The following TNS3 variants were observed in gnomAD, a reference collection of about 807,000 sequenced individuals.
The protein encoded by TNS3 is tensin-3.
Under a neutral mutation model 140.9 loss-of-function variants are expected in TNS3, and 45 were observed. The observed-to-expected ratio is 0.32, with a 90% CI of 0.25 to 0.41. The LOEUF (loss-of-function observed/expected upper bound fraction) is 0.41, where lower values mean the gene tolerates loss of function less well. TNS3 is among the 10% of genes least tolerant of loss of function. The pLI is 1.00. For missense variants in TNS3, 1,716 were observed against 1,906.7 expected (o/e 0.90, Z 1.86); for synonymous variants, 815 against 788.4 (o/e 1.03, Z -0.56).
intron 28 of TNS3, among the ~76,000 whole-genome samples, chr7:47,280,632 A>G (rs1338253594): frequency 6.6e-6 from 1 of 152,158 alleles, no homozygotes; most frequent in Non-Finnish European, 1.5e-5. Context: ...AGCCCTAACA[A>G]GCCGGGTGCA....
At chr7:47,303,946 C>T (rs1490525289) in intron 21 of TNS3, among the ~76,000 whole-genome samples, 1 of 152,186 alleles carries the variant, frequency 6.6e-6, no homozygotes, top group African/African-American at 2.4e-5. Context: ...AGCTGTGCAC[C>T]CACTGGGAAG....
intron 16 of TNS3, among the ~76,000 whole-genome samples, chr7:47,384,403 T>C (rs1327700790): frequency 1.3e-5 from 2 of 152,230 alleles, no homozygotes; most frequent in African/African-American, 2.4e-5. Context: ...CGGGCTGCCA[T>C]TGCCCCTCAC....
In TNS3 at chr7:47,293,795, A is replaced by C. The variant is rs1158884132; in HGVS notation, c.3710T>G (p.Phe1237Cys). 6.2e-7 allele frequency: 1 copy of C among 1,614,068 alleles called. No individual in the cohort carries two copies. The highest frequency in any genetic ancestry group is 8.5e-7 in the Non-Finnish European group (1 of 1,180,046). Residue 1237 changes from phenylalanine to cysteine, a missense_variant, in exon 25 of 31, where the codon TTT becomes TGT. Coordinates refer to ENST00000311160, the MANE Select transcript of TNS3 (RefSeq NM_022748.12). Reference sequence around the variant, plus strand: ...TCCCTTCGGGGTACACTCGATCAAAAAGTGCCGGACGAGTTCATTGGCCAA... The same window carrying C: ...TCCCTTCGGGGTACACTCGATCAAACAGTGCCGGACGAGTTCATTGGCCAA... Reference protein sequence around the residue: ...GDLANELVRHFLIECTPKGVR... With the variant: ...GDLANELVRHCLIECTPKGVR...
chr7:47,304,909 G>C lies in TNS3; in HGVS notation c.2745C>G (p.Ser915=). Reference sequence around the variant, plus strand: ...AAGCCTGCTGAAAGGAGGGCGTCGAGGACGCATCAGCCCGGAGCATCGTGG... The same window carrying C: ...AAGCCTGCTGAAAGGAGGGCGTCGACGACGCATCAGCCCGGAGCATCGTGG... The part of the protein sequence containing the change: ...PKSTMLRADA[S]STPSFQQAFA... The change falls in exon 21 of 31, where the codon TCC becomes TCG. Residue 915 remains serine, a synonymous_variant. Transcript: ENST00000311160. 1 of 1,436,814 alleles carries C rather than the reference G, an allele frequency of 7.0e-7. No individual in the cohort carries two copies. Among genetic ancestry groups the C allele is most frequent in the Middle Eastern group, 1.8e-4 (1 of 5,408 alleles). The allele number at this position is 1,436,814 out of a possible 1,614,324, so 89.0% of individuals were successfully genotyped here. A position where few individuals can be genotyped will look rare whatever the true frequency, so the allele number is the denominator to read the frequency against.
intron 28 of TNS3, among the ~76,000 whole-genome samples, chr7:47,282,661 T>C (rs1388043312): frequency 1.3e-5 from 2 of 152,114 alleles, no homozygotes. Context: ...AGGATTGAAA[T>C]ACGAGAGCAT....
chr7:47,295,872 A>C (rs529920669), intron 24 of TNS3, among the ~76,000 whole-genome samples: 1 of 152,362 alleles, frequency 6.6e-6, no homozygotes, highest in South Asian at 2.1e-4. Context: ...CAGAGGTTTC[A>C]TCCAAGAATT....
At chr7:47,379,797 G>T (rs997651619) in intron 16 of TNS3, among the ~76,000 whole-genome samples, 3 of 152,186 alleles carry the variant, frequency 2.0e-5, no homozygotes, top group Non-Finnish European at 4.4e-5. Flanking sequence ...GCAGGAAAGA[G>T]GCTGCAGCGG....
At chr7:47,320,969 G>A (rs1033399600) in intron 20 of TNS3, among the ~76,000 whole-genome samples, 10 of 152,208 alleles carry the variant, frequency 6.6e-5, no homozygotes, top group Non-Finnish European at 1.0e-4. Context: ...ATCGCGACGA[G>A]GAAGAAATGA....
chr7:47,533,724 C>A (rs1039878437), intron 1 of TNS3, among the ~76,000 whole-genome samples: 29 of 152,078 alleles, frequency 1.9e-4, no homozygotes, highest in Middle Eastern at 3.2e-3. Flanking sequence ...GGCGGCAGGT[C>A]TTTCCTGTGC....
At chr7:47,570,970 A>C (rs1452081409) in intron 1 of TNS3, among the ~76,000 whole-genome samples, 1 of 152,158 alleles carries the variant, frequency 6.6e-6, no homozygotes, top group African/African-American at 2.4e-5. Context: ...CTCAGAACAG[A>C]GGGCCAGGCC....
At chr7:47,339,763 C>G (rs926290107) in intron 20 of TNS3, among the ~76,000 whole-genome samples, 1 of 151,910 alleles carries the variant, frequency 6.6e-6, no homozygotes, top group Non-Finnish European at 1.5e-5. Context: ...GTAAAACTGT[C>G]TGTCAATCTG....
chr7:47,386,155 T>A (rs1382778668), intron 16 of TNS3, among the ~76,000 whole-genome samples: 1 of 152,256 alleles, frequency 6.6e-6, no homozygotes, highest in Admixed American at 6.5e-5. Flanking sequence ...AAATCATCAC[T>A]ATGCACTTAT....
At chr7:47,468,138 C>T (rs1796799206) in intron 4 of TNS3, among the ~76,000 whole-genome samples, 1 of 152,022 alleles carries the variant, frequency 6.6e-6, no homozygotes, top group South Asian at 2.1e-4. Flanking sequence ...AGTGAAACCC[C>T]ATCTCTACTA....
At chr7:47,468,442 A>AAAAT (rs58936286) in intron 4 of TNS3, among the ~76,000 whole-genome samples, 8 of 151,124 alleles carry the variant, frequency 5.3e-5, no homozygotes, top group South Asian at 2.1e-4. Flanking sequence ...ATCTGTCTCA[A>AAAAT]AAATAAATAA....
chr7:47,340,232 C>A (rs1312244770), intron 20 of TNS3, among the ~76,000 whole-genome samples: 1 of 143,054 alleles, frequency 7.0e-6, no homozygotes, highest in Non-Finnish European at 1.5e-5. Context: ...AAGTGATTCT[C>A]CTGCCTCAGC....
Position 47,303,287 on chromosome 7 carries a change from C to T in TNS3, c.3120G>A (p.Leu1040=), listed in dbSNP as rs1198436287. 2.5e-6 allele frequency: 4 copies of T among 1,613,602 alleles called. No individual in the cohort carries two copies. The East Asian group carries it at 8.9e-5, about 36-fold the overall frequency. The part of the protein sequence containing the change: ...GLPPEEDLGA[L]LANSHGASPT... Reference sequence around the variant, plus strand: ...GTGACGCTCCATGAGAATTGGCCAGCAAGGCCCCCAGGTCCTCCTCGGGCG... The same window carrying T: ...GTGACGCTCCATGAGAATTGGCCAGTAAGGCCCCCAGGTCCTCCTCGGGCG... Residue 1040 remains leucine, a synonymous_variant, in exon 22 of 31, where the codon TTG becomes TTA. Transcript: ENST00000311160.
intron 3 of TNS3, among the ~76,000 whole-genome samples, chr7:47,496,046 G>A (rs2151844360): frequency 6.6e-6 from 1 of 152,282 alleles, no homozygotes; most frequent in South Asian, 2.1e-4. Context: ...AGGCCCCGAT[G>A]CCACCCAGCC....
At chr7:47,313,618 T>C (rs141702593) in intron 20 of TNS3, among the ~76,000 whole-genome samples, 12 of 152,260 alleles carry the variant, frequency 7.9e-5, no homozygotes, top group African/African-American at 2.9e-4. Context: ...CTCTTAGTGG[T>C]TCCCACAAAG....
At chr7:47,453,115 G>C (rs964864895) in intron 4 of TNS3, 19 of 985,682 alleles carry the variant, frequency 1.9e-5, no homozygotes, top group Non-Finnish European at 2.3e-5. Flanking sequence ...AGCCTGGTGA[G>C]TGTGGGAGTC....
Sources: allele counts gnomAD v4.1 joint callset (sites outside exome capture counted in the v4.1 genomes callset), GRCh38; gene constraint gnomAD v4.1.1; transcripts MANE v1.5; gene names NCBI Gene and HGNC (gene_info 2026-07-23, HGNC 2026-07-21).